The following FANK1 variants were observed in gnomAD, a reference collection of about 807,000 sequenced individuals.
FANK1 encodes the protein fibronectin type 3 and ankyrin repeat domains protein 1.
FANK1 carries 44 observed loss-of-function variants against 45.3 expected under a neutral mutation model. That is an observed-to-expected ratio of 0.97 (90% CI 0.76 to 1.25). The LOEUF is 1.25. Ranked by LOEUF, FANK1 falls within the 50% of genes most tolerant of loss-of-function variation. FANK1 has a pLI of 0.00. For synonymous variants in FANK1, 149 were observed against 152.5 expected (o/e 0.98, Z 0.17); for missense variants, 391 against 424.4 (o/e 0.92, Z 0.69).
At chr10:125,995,578 T>TTTCCTAACATTCCTAAAA in intron 4 of FANK1, 80 bp downstream of exon 4, 2 of 1,395,836 alleles carry the variant, frequency 1.4e-6, no homozygotes, top group Admixed American at 3.5e-5. Flanking sequence ...TTCATTTTGT[T>TTTCCTAACATTCCTAAAA]TTCCTAAAAA....
intron 6 of FANK1, among the ~76,000 whole-genome samples, chr10:126,002,060 C>A (rs1952800197): frequency 6.6e-6 from 1 of 151,360 alleles, no homozygotes. Flanking sequence ...CGCCTGTAAT[C>A]CCAGCACTTT....
intron 2 of FANK1, among the ~76,000 whole-genome samples, chr10:125,988,139 A>G (rs188577319): frequency 3.3e-5 from 5 of 152,328 alleles, no homozygotes; most frequent in Admixed American, 2.6e-4. Flanking sequence ...TTTTGCCTGC[A>G]ATAGTTATAC....
chr10:125,933,547 G>C (rs1401990565), intron 1 of FANK1, among the ~76,000 whole-genome samples: 1 of 151,912 alleles, frequency 6.6e-6, no homozygotes, highest in Non-Finnish European at 1.5e-5. Flanking sequence ...TCTTGCTAAT[G>C]GTCTATCAAT....
chr10:125,909,857 T>C (rs1400124183), intron 1 of FANK1, among the ~76,000 whole-genome samples: 1 of 151,716 alleles, frequency 6.6e-6, no homozygotes, highest in Admixed American at 6.6e-5. Flanking sequence ...TTGTTTTGTT[T>C]TCAAATACAT....
rs572259053 is a variant in FANK1, at chr10:125,949,419, A to C, written c.14-30742A>C. ...TTAAGCTGATAAACAACTTCAGCAA[A>C]GTCTCAGGATACAAAATCAATGTAC... On this transcript the variant is annotated intron_variant, in intron 1 of 10. Coordinates refer to ENST00000368693, the MANE Select transcript of FANK1 (RefSeq NM_145235.5). Among the ~76,000 whole-genome samples the C allele has an allele frequency of 3.9e-5, 6 of 152,320 alleles. No individual in the cohort carries two copies. In the South Asian group the frequency reaches 8.3e-4, roughly 21 times the overall value.
In FANK1 at chr10:126,008,452, GTC is replaced by G. The variant is rs766755178; in HGVS notation, c.755_756del (p.Ser252CysfsTer14). The G allele has an allele frequency of 1.2e-6, 2 of 1,613,444 alleles. No individual in the cohort carries two copies. Among genetic ancestry groups the G allele is most frequent in the Non-Finnish European group, 1.7e-6 (2 of 1,179,688 alleles). ...TTCAGGATGGACCCCACTCATGAGA[GTC>G]TCTGCGGTGTCGGGAAATCAGAGGG... The part of the protein sequence containing the change: ...TGSGWTPLMR[V>X]SAVSGNQRVA... On this transcript the variant is annotated frameshift_variant, in exon 8 of 11. Transcript: ENST00000368693. LOFTEE classifies it high-confidence loss of function.
At chr10:125,906,542 A>AAAAAAAAAAAAAAAAAAAAC (rs1945540176) in intron 1 of FANK1, among the ~76,000 whole-genome samples, 1 of 146,958 alleles carries the variant, frequency 6.8e-6, no homozygotes. Context: ...AAAAAAAAAA[A>AAAAAAAAAAAAAAAAAAAAC]AATTCTTACC....
chr10:125,985,939 G>A (rs2366347), intron 2 of FANK1, among the ~76,000 whole-genome samples: 62,996 of 151,826 alleles, frequency 0.41, 13,259 homozygotes, highest in South Asian at 0.47. Context: ...GGGAAGTTGA[G>A]CTTCTCCTCC....
intron 1 of FANK1, among the ~76,000 whole-genome samples, chr10:125,901,634 C>T (rs1333125374): frequency 2.0e-5 from 3 of 152,284 alleles, no homozygotes; most frequent in East Asian, 1.9e-4. Context: ...ACAAGCTTTC[C>T]TCTCTGCCAG....
intron 1 of FANK1, among the ~76,000 whole-genome samples, chr10:125,926,432 G>GCTAC (rs1416679994): frequency 1.3e-5 from 2 of 152,306 alleles, no homozygotes; most frequent in African/African-American, 4.8e-5. Flanking sequence ...GATCCCTTGT[G>GCTAC]CTACCCATCT....
chr10:125,956,739 C>T (rs1949601810), intron 1 of FANK1, among the ~76,000 whole-genome samples: 1 of 152,106 alleles, frequency 6.6e-6, no homozygotes, highest in Non-Finnish European at 1.5e-5. Flanking sequence ...AAGGGACTCG[C>T]TCAGGCCATT....
At chr10:125,957,820 C>T (rs11244723) in intron 1 of FANK1, among the ~76,000 whole-genome samples, 45,946 of 152,028 alleles carry the variant, frequency 0.3, 7,228 homozygotes, top group East Asian at 0.45. Context: ...CCACCATGCC[C>T]GGCCTTGCCT....
intron 1 of FANK1, among the ~76,000 whole-genome samples, chr10:125,959,798 T>A (rs1315147451): frequency 6.6e-6 from 1 of 152,240 alleles, no homozygotes; most frequent in African/African-American, 2.4e-5. Context: ...TTCAATTTTT[T>A]AAATAAAATG....
chr10:125,955,853 C>G (rs1949541757), intron 1 of FANK1, among the ~76,000 whole-genome samples: 1 of 152,170 alleles, frequency 6.6e-6, no homozygotes, highest in African/African-American at 2.4e-5. Context: ...CAAAACAAAT[C>G]AAGTTCCTTC....
chr10:125,924,012 A>G (rs1456209198), intron 1 of FANK1, among the ~76,000 whole-genome samples: 1 of 152,046 alleles, frequency 6.6e-6, no homozygotes, highest in Non-Finnish European at 1.5e-5. Flanking sequence ...GCACTTTGAG[A>G]GGCAAAGGTG....
intron 1 of FANK1, among the ~76,000 whole-genome samples, chr10:125,922,884 G>T (rs1213458831): frequency 6.6e-6 from 1 of 152,070 alleles, no homozygotes; most frequent in Non-Finnish European, 1.5e-5. Flanking sequence ...TCTTGCACTT[G>T]CCTTGTTGGG....
At chr10:125,968,380 C>T (rs7895449) in intron 1 of FANK1, among the ~76,000 whole-genome samples, 51,273 of 152,060 alleles carry the variant, frequency 0.34, 9,050 homozygotes, top group East Asian at 0.44. Context: ...CAGTCATCTT[C>T]ACTGTGGACC....
intron 1 of FANK1, among the ~76,000 whole-genome samples, chr10:125,962,716 ATTTG>A (rs1279102982): frequency 6.6e-6 from 1 of 151,894 alleles, no homozygotes; most frequent in Non-Finnish European, 1.5e-5. Flanking sequence ...AGGATAATGT[ATTTG>A]TTTACTAATT....
intron 1 of FANK1, among the ~76,000 whole-genome samples, chr10:125,914,296 A>G (rs376867617): frequency 1.3e-5 from 1 of 78,308 alleles, no homozygotes; most frequent in Non-Finnish European, 2.8e-5. Flanking sequence ...TATATATTTA[A>G]AAAGTCTCAG....
Sources: gnomAD v4.1 joint callset for allele counts (sites outside exome capture counted in the v4.1 genomes callset) on GRCh38, gnomAD v4.1.1 for gene constraint, MANE v1.5 for transcripts, NCBI Gene and HGNC (gene_info 2026-07-23, HGNC 2026-07-21) for gene names.